The following MPRIP variants were observed in gnomAD, a reference collection of about 807,000 sequenced individuals.
The protein encoded by MPRIP is myosin phosphatase Rho-interacting protein.
A neutral mutation model predicts 234.9 loss-of-function variants in MPRIP; 59 were observed. That is an observed-to-expected ratio of 0.25 (90% confidence interval 0.20 to 0.31). The LOEUF (loss-of-function observed/expected upper bound fraction) is 0.31. Ranked by LOEUF, MPRIP falls within the 10% of genes least tolerant of loss-of-function variation. The pLI is 1.00. For missense variants in MPRIP, 2,436 were observed against 3,071.0 expected (o/e 0.79, Z 4.89); for synonymous variants, 1,144 against 1,263.9 (o/e 0.91, Z 2.01).
intron 5 of MPRIP, among the ~76,000 whole-genome samples, chr17:17,135,195 T>C (rs774194483): frequency 1.8e-4 from 27 of 152,238 alleles, no homozygotes; most frequent in Non-Finnish European, 2.9e-4. Context: ...GTTGCCTGGA[T>C]TCTGTGTTTG....
Position 17,104,374 on chromosome 17 carries a change from G to A in MPRIP, c.268-22328G>A, listed in dbSNP as rs75521684. ...GCATAGAACCTTTGGCCATGAGCGAGTTTTTGGTGAACTAACAGAATTCAT... is the reference window on the plus strand; with the variant it reads ...GCATAGAACCTTTGGCCATGAGCGAATTTTTGGTGAACTAACAGAATTCAT... On this transcript the variant is annotated intron_variant, in intron 3 of 23. Transcript: ENST00000651222. 6.0e-3 allele frequency among the ~76,000 whole-genome samples: 911 copies of A among 152,312 alleles called. 7 individuals are homozygous for A. The highest frequency in any genetic ancestry group is 8.4e-3 in the Non-Finnish European group (572 of 68,022).
chr17:17,143,226 C>T (rs1253691900), intron 8 of MPRIP, among the ~76,000 whole-genome samples: 1 of 152,226 alleles, frequency 6.6e-6, no homozygotes, highest in Non-Finnish European at 1.5e-5. Context: ...TGCCTAGTGC[C>T]TACTGTCTGG....
chr17:17,121,873 T>G (rs2041085239), intron 3 of MPRIP, among the ~76,000 whole-genome samples: 1 of 152,200 alleles, frequency 6.6e-6, no homozygotes, highest in African/African-American at 2.4e-5. Context: ...CTATATGTTC[T>G]CATCATTTAG....
chr17:17,056,004 C>G (rs1364426679), intron 1 of MPRIP, among the ~76,000 whole-genome samples: 1 of 152,162 alleles, frequency 6.6e-6, no homozygotes, highest in Non-Finnish European at 1.5e-5. Flanking sequence ...GGGAGGAAAC[C>G]CAGCTGTGGG....
chr17:17,115,870 G>A (rs1040834303), intron 3 of MPRIP, among the ~76,000 whole-genome samples: 1 of 152,118 alleles, frequency 6.6e-6, no homozygotes, highest in African/African-American at 2.4e-5. Context: ...TCATGCAAAG[G>A]CCATTCCTCA....
intron 11 of MPRIP, among the ~76,000 whole-genome samples, chr17:17,149,385 C>T (rs932272366): frequency 1.3e-4 from 20 of 151,540 alleles, no homozygotes; most frequent in Middle Eastern, 3.4e-3. Flanking sequence ...CCCAGCTACT[C>T]GGGAGACTGA....
At chr17:17,105,976 G>A (rs1231573429) in intron 3 of MPRIP, among the ~76,000 whole-genome samples, 1 of 152,200 alleles carries the variant, frequency 6.6e-6, no homozygotes, top group African/African-American at 2.4e-5. Flanking sequence ...AAAAACATGT[G>A]CATCCCAGGT....
chr17:17,071,555 G>C (rs905035417), intron 1 of MPRIP, among the ~76,000 whole-genome samples: 3 of 152,098 alleles, frequency 2.0e-5, no homozygotes, highest in Non-Finnish European at 4.4e-5. Flanking sequence ...ATCTACATCT[G>C]CCCCATCGTC....
chr17:17,167,321 A>G lies in MPRIP; in HGVS notation c.5730A>G (p.Glu1910=), dbSNP rs936185091. 5.8e-5 allele frequency: 75 copies of G among 1,303,836 alleles called. No individual in the cohort carries two copies. Among genetic ancestry groups the G allele is most frequent in the Non-Finnish European group, 7.2e-5 (71 of 988,934 alleles). The allele number at this position is 1,303,836 out of a possible 1,614,324, so 80.8% of individuals were successfully genotyped here. A position where few individuals can be genotyped will look rare whatever the true frequency, so the allele number is the denominator to read the frequency against. The change falls in exon 16 of 24, where the codon GAA becomes GAG. Residue 1910 remains glutamate, a synonymous_variant. Transcript: ENST00000651222. This position sits in a 1 kb window ranked among gnomAD's most constrained non-coding sequence, Gnocchi z 5.9. The stretch of plus-strand genomic sequence containing the variant: ...ACCTGGATGTGATCGCCATTGTTGA[A>G]AGGGAGAATGCAGAGCTCAAGGCCA... ...SEYLDVIAIV[E]RENAELKAKA... is the part of the protein sequence containing the mutation.
In MPRIP at chr17:17,153,902, C is replaced by T. The variant is rs571294511; in HGVS notation, c.1720-404C>T. The stretch of plus-strand genomic sequence containing the variant: ...TGCCACTCCCCACGCCCAACACACA[C>T]GCCCTTCCGGATTCCCCACCTCCAC... On this transcript the variant is annotated intron_variant, in intron 12 of 23. Coordinates refer to ENST00000651222, the MANE Select transcript of MPRIP (RefSeq NM_001364716.4). Among the ~76,000 whole-genome samples, 4 of 152,226 alleles carry T rather than the reference C, an allele frequency of 2.6e-5. No homozygotes were observed. In the South Asian group the frequency reaches 6.2e-4, roughly 24 times the overall value.
intron 1 of MPRIP, among the ~76,000 whole-genome samples, chr17:17,057,083 G>T (rs960190485): frequency 6.6e-6 from 1 of 152,224 alleles, no homozygotes; most frequent in Non-Finnish European, 1.5e-5. Context: ...CCCAGGAGAG[G>T]ACTTGCTGGC....
Position 17,185,311 on chromosome 17 carries a change from G to T in MPRIP, c.*417G>T. On this transcript the variant is annotated 3_prime_UTR_variant, in exon 24 of 24. Coordinates refer to ENST00000651222, the MANE Select transcript of MPRIP (RefSeq NM_001364716.4). The stretch of plus-strand genomic sequence containing the variant: ...AGGTAGATGGAATCCCCACTGGTCA[G>T]AGAAAAAGCTATGCGGACACTCCAG... 2.8e-6 allele frequency: 1 copy of T among 354,898 alleles called. No individual in the cohort carries two copies. Among genetic ancestry groups the T allele is most frequent in the South Asian group, 2.1e-5 (1 of 46,996 alleles). 22.0% of individuals were successfully genotyped at this position (354,898 alleles called of 1,614,324 possible).
At position 17,191,599 on chromosome 17, in the gene MPRIP, C is replaced by T. The variant is rs1327079250; in HGVS notation, c.*6705C>T. 6.6e-6 allele frequency: 1 copy of T among 152,248 alleles called. No homozygotes were observed. Among genetic ancestry groups the T allele is most frequent in the Non-Finnish European group, 1.5e-5 (1 of 68,050 alleles). The allele number at this position is 152,248 out of a possible 1,614,324, so 9.4% of individuals were successfully genotyped here. ...GGGTGGACACGGCATGTTCCTCGGG[C>T]ACAGCCTCAGTGGGGGCCTTCCCCA... On this transcript the variant is annotated 3_prime_UTR_variant, in exon 24 of 24. Coordinates refer to ENST00000651222, the MANE Select transcript of MPRIP (RefSeq NM_001364716.4).
intron 3 of MPRIP, among the ~76,000 whole-genome samples, chr17:17,122,010 A>G (rs970840278): frequency 4.6e-5 from 7 of 152,200 alleles, no homozygotes; most frequent in Admixed American, 2.0e-4. Flanking sequence ...TTTTATGACT[A>G]CATAATATTC....
chr17:17,128,466 C>A (rs2090535284), intron 4 of MPRIP, among the ~76,000 whole-genome samples: 1 of 152,228 alleles, frequency 6.6e-6, no homozygotes. Flanking sequence ...CCAAGCCCCT[C>A]TCCTGGGTCA....
intron 11 of MPRIP, among the ~76,000 whole-genome samples, chr17:17,148,542 G>T (rs2045528567): frequency 6.6e-6 from 1 of 152,230 alleles, no homozygotes; most frequent in South Asian, 2.1e-4. Context: ...GTCCTTGAAA[G>T]AGCAGCAGAA....
intron 1 of MPRIP, among the ~76,000 whole-genome samples, chr17:17,073,208 G>A (rs1051522045): frequency 6.6e-6 from 1 of 152,036 alleles, no homozygotes; most frequent in East Asian, 1.9e-4. Flanking sequence ...TCCACCCAGA[G>A]GCCCTACATC....
intron 3 of MPRIP, among the ~76,000 whole-genome samples, chr17:17,081,575 G>C (rs995890213): frequency 6.6e-6 from 1 of 152,236 alleles, no homozygotes; most frequent in African/African-American, 2.4e-5. Context: ...GCCCCACTGG[G>C]TTGGGACCTG....
At chr17:17,049,666 T>C (rs938569769) in intron 1 of MPRIP, among the ~76,000 whole-genome samples, 2 of 152,206 alleles carry the variant, frequency 1.3e-5, no homozygotes, top group Non-Finnish European at 2.9e-5. Flanking sequence ...AAAGAAATCT[T>C]GTATATTTTA....
Sources: gnomAD v4.1 joint callset for allele counts (sites outside exome capture counted in the v4.1 genomes callset) on GRCh38, gnomAD v4.1.1 for gene constraint, Gnocchi (gnomAD v3.1) non-coding constraint, MANE v1.5 for transcripts, NCBI Gene and HGNC (gene_info 2026-07-23, HGNC 2026-07-21) for gene names.